The following PLPPR1 variants were observed in gnomAD, a reference collection of about 807,000 sequenced individuals.
The protein encoded by PLPPR1 is phospholipid phosphatase related 1.
PLPPR1 carries 10 observed loss-of-function variants against 33.1 expected under a neutral mutation model. The ratio of observed to expected loss-of-function variants is 0.30; its 90% confidence interval spans 0.19 to 0.51. PLPPR1 has a LOEUF of 0.51. Among genes scored for constraint, PLPPR1 ranks in the 20% least tolerant of loss-of-function variants. PLPPR1 has a pLI of 0.97. For synonymous variants in PLPPR1, 151 were observed against 151.0 expected (o/e 1.00, Z 0.00); for missense variants, 304 against 408.1 (o/e 0.74, Z 2.20).
chr9:101,055,496 A>G (rs1016730911), intron 1 of PLPPR1, among the ~76,000 whole-genome samples: 4 of 152,226 alleles, frequency 2.6e-5, no homozygotes, highest in African/African-American at 9.6e-5. Flanking sequence ...AGCGAATTGG[A>G]TTAGACACTC....
chr9:101,122,926 G>C (rs1439177822), intron 1 of PLPPR1, among the ~76,000 whole-genome samples: 1 of 152,164 alleles, frequency 6.6e-6, no homozygotes, highest in Non-Finnish European at 1.5e-5. Flanking sequence ...ATTGCAAGTA[G>C]TAACTTTTAA....
Position 101,149,111 on chromosome 9 carries a change from T to C in PLPPR1, c.-45-36339T>C, listed in dbSNP as rs554697711. 3.9e-4 allele frequency among the ~76,000 whole-genome samples: 60 copies of C among 152,332 alleles called. 1 individual carries two copies. Among genetic ancestry groups the C allele is most frequent in the Middle Eastern group, 3.4e-3 (1 of 294 alleles). On this transcript the variant is annotated intron_variant, in intron 1 of 7. Coordinates refer to ENST00000374874, the MANE Select transcript of PLPPR1 (RefSeq NM_207299.2). ...TCTTGCAGAAATTTGCTCCACAGAA[T>C]TATGAACAGTTGACACGTTCTTCCT... is the stretch of plus-strand genomic sequence containing the variant.
At chr9:101,071,733 A>G (rs1341400066) in intron 1 of PLPPR1, among the ~76,000 whole-genome samples, 15 of 152,188 alleles carry the variant, frequency 9.9e-5, no homozygotes, top group Non-Finnish European at 4.4e-5. Flanking sequence ...TATAAAGTTT[A>G]GAAACAGAAC....
intron 2 of PLPPR1, among the ~76,000 whole-genome samples, chr9:101,210,022 A>C (rs1302393034): frequency 1.3e-5 from 2 of 152,216 alleles, no homozygotes; most frequent in African/African-American, 4.8e-5. Flanking sequence ...ATAACCTTGT[A>C]AGTTTCCTTC....
In PLPPR1 at chr9:101,294,287, C is replaced by A. The variant is rs1326823087; in HGVS notation, c.385+8051C>A. Among the ~76,000 whole-genome samples, 966 of 151,728 alleles carry A rather than the reference C, an allele frequency of 6.4e-3. 10 individuals carry two copies. The highest frequency in any genetic ancestry group is 0.022 in the African/African-American group (911 of 41,336). ...AATCTCTGAATAGACCAATAACAGG[C>A]TCTGAAATTGTGGCAATAATCAATA... On this transcript the variant is annotated intron_variant, in intron 4 of 7. Transcript: ENST00000374874.
At chr9:101,293,496 A>G (rs1454851194) in intron 4 of PLPPR1, among the ~76,000 whole-genome samples, 1 of 152,150 alleles carries the variant, frequency 6.6e-6, no homozygotes, top group African/African-American at 2.4e-5. Context: ...TCAACAGAAT[A>G]TACATTTTTT....
chr9:101,036,148 C>T (rs1830006978), intron 1 of PLPPR1, among the ~76,000 whole-genome samples: 1 of 152,048 alleles, frequency 6.6e-6, no homozygotes, highest in Admixed American at 6.6e-5. Flanking sequence ...AAATTTTGTG[C>T]CCAATGCAGG....
In PLPPR1 at chr9:101,292,090, G is replaced by A. The variant is rs566077128; in HGVS notation, c.385+5854G>A. Among the ~76,000 whole-genome samples, 5 of 152,294 alleles carry A rather than the reference G, an allele frequency of 3.3e-5. No individual in the cohort carries two copies. In the South Asian group the frequency reaches 8.3e-4, roughly 25 times the overall value. The stretch of plus-strand genomic sequence containing the variant: ...ACTAGAATAACCAATACAGAGAAGT[G>A]CTTAAAGGAGCTGATGGAGCTGCAA... On this transcript the variant is annotated intron_variant, in intron 4 of 7. Transcript: ENST00000374874.
chr9:101,226,950 A>G (rs930604233), intron 2 of PLPPR1, among the ~76,000 whole-genome samples: 1 of 152,134 alleles, frequency 6.6e-6, no homozygotes, highest in African/African-American at 2.4e-5. Flanking sequence ...TCTGTGAGGT[A>G]GCGGAACCTG....
intron 1 of PLPPR1, among the ~76,000 whole-genome samples, chr9:101,063,957 C>T (rs1830376921): frequency 6.6e-6 from 1 of 152,064 alleles, no homozygotes; most frequent in Admixed American, 6.6e-5. Flanking sequence ...ATGCTTGTCA[C>T]AGTGCTTGAC....
chr9:101,051,484 C>A (rs553922854), intron 1 of PLPPR1, among the ~76,000 whole-genome samples: 1 of 152,270 alleles, frequency 6.6e-6, no homozygotes, highest in South Asian at 2.1e-4. Flanking sequence ...AGATTTGTAG[C>A]CTTTCCACTA....
At chr9:101,297,713 A>G (rs1351857642) in intron 4 of PLPPR1, among the ~76,000 whole-genome samples, 2 of 152,166 alleles carry the variant, frequency 1.3e-5, no homozygotes, top group Non-Finnish European at 2.9e-5. Flanking sequence ...TAAACTAACA[A>G]ATTTTACCTG....
At chr9:101,318,726 A>T (rs1029377487) in intron 7 of PLPPR1, among the ~76,000 whole-genome samples, 1 of 152,132 alleles carries the variant, frequency 6.6e-6, no homozygotes. Context: ...GCGTGCTGTG[A>T]TCGCGCCACT....
At chr9:101,048,370 T>C (rs565056161) in intron 1 of PLPPR1, among the ~76,000 whole-genome samples, 9 of 152,262 alleles carry the variant, frequency 5.9e-5, no homozygotes, top group African/African-American at 1.9e-4. Context: ...ACATTCAAGA[T>C]AGGAGGTACC....
chr9:101,316,942 C>T (rs938063925), intron 6 of PLPPR1, among the ~76,000 whole-genome samples: 37 of 152,086 alleles, frequency 2.4e-4, no homozygotes, highest in African/African-American at 8.9e-4. Context: ...TCCCTGTGCC[C>T]CCCTATCTAG....
chr9:101,270,215 G>A lies in PLPPR1; in HGVS notation c.252+147G>A, dbSNP rs1037385193. On this transcript the variant is annotated intron_variant, in intron 3 of 7. Coordinates refer to ENST00000374874, the MANE Select transcript of PLPPR1 (RefSeq NM_207299.2). ...TTTCAGCCAAAACAGAGTGAATGGA[G>A]CTCTGCAGAAAAACTCATTAACATA... 10 of 786,068 alleles carry A rather than the reference G, an allele frequency of 1.3e-5. No individual in the cohort carries two copies. The African/African-American group carries it at 1.6e-4, about 12-fold the overall frequency. The allele number at this position is 786,068 out of a possible 1,614,324, so 48.7% of individuals were successfully genotyped here.
At chr9:101,186,195 G>C (rs190902924) in intron 2 of PLPPR1, among the ~76,000 whole-genome samples, 1 of 151,736 alleles carries the variant, frequency 6.6e-6, no homozygotes, top group South Asian at 2.1e-4. Flanking sequence ...TTGCTATAGA[G>C]GAGACAAAGA....
At chr9:101,071,758 G>A (rs1300668216) in intron 1 of PLPPR1, among the ~76,000 whole-genome samples, 1 of 152,086 alleles carries the variant, frequency 6.6e-6, no homozygotes, top group Admixed American at 6.6e-5. Flanking sequence ...GAAATCAAAA[G>A]CATGAAGGCA....
intron 1 of PLPPR1, among the ~76,000 whole-genome samples, chr9:101,170,558 C>T (rs1475442668): frequency 6.6e-6 from 1 of 152,138 alleles, no homozygotes; most frequent in African/African-American, 2.4e-5. Flanking sequence ...ACAGCTAAAC[C>T]ATATCACATA....
Sources: gnomAD v4.1 joint callset for allele counts (sites outside exome capture counted in the v4.1 genomes callset) on GRCh38, gnomAD v4.1.1 for gene constraint, MANE v1.5 for transcripts, NCBI Gene and HGNC (gene_info 2026-07-23, HGNC 2026-07-21) for gene names.